Variants in SS18L1 observed in about 807,000 individuals in gnomAD.
SS18L1 encodes calcium-responsive transactivator.
Under a neutral mutation model 70.3 loss-of-function variants are expected in SS18L1, and 32 were observed. The ratio of observed to expected loss-of-function variants is 0.46; its 90% CI spans 0.34 to 0.61. The LOEUF is 0.61. SS18L1 is among the 20% of genes least tolerant of loss of function. The probability of loss-of-function intolerance (pLI) is 0.01; values close to 1 mark genes in which losing one functional copy is unlikely to be tolerated. For missense variants in SS18L1, 430 were observed against 542.1 expected, an observed-to-expected ratio of 0.79 and a Z score of 2.05; for synonymous variants, 237 against 229.7, an observed-to-expected ratio of 1.03 and a Z score of -0.29.
intron 10 of SS18L1, among the ~76,000 whole-genome samples, chr20:62,176,129 C>T (rs570554019): frequency 2.0e-5 from 3 of 152,366 alleles, no homozygotes; most frequent in South Asian, 2.1e-4. Flanking sequence ...TTCATACAGT[C>T]CTGAAAATAA....
intron 7 of SS18L1, 123 bp downstream of exon 7, chr20:62,164,369 C>A: frequency 1.9e-6 from 2 of 1,070,970 alleles, no homozygotes; most frequent in South Asian, 1.7e-5. Flanking sequence ...CAGCTCAGGC[C>A]TGGGCTACAG....
chr20:62,178,141 CT>C (rs61157167), intron 10 of SS18L1, among the ~76,000 whole-genome samples: 8,217 of 97,116 alleles, frequency 0.085, 460 homozygotes, highest in African/African-American at 0.27. Context: ...GTGGCTTATT[CT>C]TTTTTTTTTT....
intron 8 of SS18L1, 79 bp from the exon 9 acceptor site, chr20:62,172,603 C>A: frequency 3.8e-6 from 6 of 1,599,398 alleles, no homozygotes. Context: ...CCAAAGTTAC[C>A]GTGTCGTGAG....
intron 10 of SS18L1, among the ~76,000 whole-genome samples, chr20:62,176,634 G>A (rs1309218915): frequency 1.3e-5 from 2 of 152,144 alleles, no homozygotes; most frequent in Admixed American, 6.5e-5. Flanking sequence ...GGCCAACATG[G>A]TGAAACCCCA....
At position 62,174,044 on chromosome 20, in the gene SS18L1, A is replaced by G. The variant is rs6142968; in HGVS notation, c.1037-473A>G. Among the ~76,000 whole-genome samples the G allele has an allele frequency of 0.073, 11,140 of 151,624 alleles. 500 individuals carry two copies. The highest frequency in any genetic ancestry group is 0.2 in the South Asian group (947 of 4,796). Reference sequence around the variant, plus strand: ...AAAAAAAAAAAAAAAATTGGCCTCTATCAGTTCTTGCCGGAGCCTTTGACT... The same window carrying G: ...AAAAAAAAAAAAAAAATTGGCCTCTGTCAGTTCTTGCCGGAGCCTTTGACT... On this transcript the variant is annotated intron_variant, in intron 9 of 10. Transcript: ENST00000331758. This position sits in a 1 kb window ranked among gnomAD's most constrained non-coding sequence, Gnocchi z 4.1.
intron 1 of SS18L1, among the ~76,000 whole-genome samples, chr20:62,149,437 G>A (rs1366743748): frequency 6.6e-6 from 1 of 152,252 alleles, no homozygotes; most frequent in Non-Finnish European, 1.5e-5. Context: ...GCACAATGGG[G>A]ACGGAAATGG....
rs192060075 is a variant in SS18L1 at position 62,174,680 on chromosome 20, G to A, written c.1164+36G>A. The A allele has an allele frequency of 2.6e-5, 42 of 1,613,010 alleles. No homozygotes were observed. Among genetic ancestry groups the A allele is most frequent in the African/African-American group, 1.5e-4 (11 of 75,038 alleles). On this transcript the variant is annotated intron_variant, in intron 10 of 10. Transcript: ENST00000331758. This position sits in a 1 kb window ranked among gnomAD's most constrained non-coding sequence, Gnocchi z 4.1. ...TGGATGTTTCCAGATGTGCCCATCC[G>A]CCGCGCCTGTCGAGACATAATGAAG... is the stretch of plus-strand genomic sequence containing the variant.
Position 62,182,463 on chromosome 20 carries a change from A to C in SS18L1, c.*3255A>C, listed in dbSNP as rs2057729637. 2 of 189,338 alleles carry C rather than the reference A, an allele frequency of 1.1e-5. No homozygotes were observed. The highest frequency in any genetic ancestry group is 2.2e-5 in the Non-Finnish European group (2 of 89,912). 11.7% of individuals were successfully genotyped at this position (189,338 alleles called of 1,614,324 possible). A position where few individuals can be genotyped will look rare whatever the true frequency, so the allele number is the denominator to read the frequency against. The stretch of plus-strand genomic sequence containing the variant: ...TTTATGCTTTTGGTGTAATCTCTTA[A>C]TAAACTGGTTCTTCAAAAATCATCC... On this transcript the variant is annotated 3_prime_UTR_variant, in exon 11 of 11. Transcript: ENST00000331758.
rs1246589393 is a variant in SS18L1 at position 62,174,781 on chromosome 20, C to CT, written c.1164+138dup. On this transcript the variant is annotated intron_variant, in intron 10 of 10. Transcript: ENST00000331758. This position sits in a 1 kb window ranked among gnomAD's most constrained non-coding sequence, Gnocchi z 4.1. ...GGGTTCCTTCCAGAACGTTAAGTCT[C>CT]TGAGCCTGTAAGGTTTTGCAGAATT... 6.4e-7 allele frequency: 1 copy of CT among 1,566,838 alleles called. No homozygotes were observed. Among genetic ancestry groups the CT allele is most frequent in the South Asian group, 1.2e-5 (1 of 86,752 alleles).
chr20:62,162,284 T>G (rs1159141404), intron 4 of SS18L1, among the ~76,000 whole-genome samples: 1 of 151,726 alleles, frequency 6.6e-6, no homozygotes, highest in East Asian at 1.9e-4. Flanking sequence ...TTTGCTAGCA[T>G]GTACGCTGCT....
chr20:62,158,746 G>T lies in SS18L1; in HGVS notation c.144G>T (p.Thr48=). ...YQSKGKTAEC[T]QYQQILHRNL... is the part of the protein sequence containing the mutation. ...GCAAGGGCAAGACGGCCGAGTGCAC[G>T]CAGTGAGTGCCCGCCATACACCGGA... Residue 48 remains threonine, a splice_region_variant and synonymous_variant, in exon 2 of 11, where the codon ACG becomes ACT. Coordinates refer to ENST00000331758, the MANE Select transcript of SS18L1 (RefSeq NM_198935.3). The surrounding 1 kb of genome is among the most constrained non-coding windows in gnomAD (Gnocchi z 4.5). 3.1e-6 allele frequency: 5 copies of T among 1,612,958 alleles called. No individual in the cohort carries two copies. The South Asian group carries it at 4.4e-5, about 14-fold the overall frequency.
intron 4 of SS18L1, among the ~76,000 whole-genome samples, chr20:62,162,273 C>T (rs1223004320): frequency 6.6e-6 from 1 of 152,052 alleles, no homozygotes; most frequent in African/African-American, 2.4e-5. Flanking sequence ...TCATCCTGTG[C>T]TTTGCTAGCA....
At chr20:62,178,752 C>T (rs1174677705) in intron 10 of SS18L1, among the ~76,000 whole-genome samples, 1 of 152,176 alleles carries the variant, frequency 6.6e-6, no homozygotes, top group Non-Finnish European at 1.5e-5. Flanking sequence ...GGCCATGTTG[C>T]CCAGCCTGGG....
At chr20:62,160,660 G>A (rs1440513885) in intron 3 of SS18L1, among the ~76,000 whole-genome samples, 3 of 152,160 alleles carry the variant, frequency 2.0e-5, no homozygotes, top group Non-Finnish European at 4.4e-5. Context: ...ACGGGGTTCC[G>A]GGACAGACAT....
chr20:62,147,183 G>T (rs1206638951), intron 1 of SS18L1, among the ~76,000 whole-genome samples: 2 of 152,180 alleles, frequency 1.3e-5, no homozygotes, highest in Admixed American at 6.5e-5. Context: ...GGTATTGGGG[G>T]ACCTAAAGTG....
At position 62,181,581 on chromosome 20, in the gene SS18L1, AT is replaced by A. The variant is rs2057710436; in HGVS notation, c.*2374del. 9.4e-6 allele frequency: 2 copies of A among 211,926 alleles called. No homozygotes were observed. Among genetic ancestry groups the A allele is most frequent in the Non-Finnish European group, 1.9e-5 (2 of 104,528 alleles). 13.1% of individuals were successfully genotyped at this position (211,926 alleles called of 1,614,324 possible). A position where few individuals can be genotyped will look rare whatever the true frequency, so the allele number is the denominator to read the frequency against. On this transcript the variant is annotated 3_prime_UTR_variant, in exon 11 of 11. Transcript: ENST00000331758. The stretch of plus-strand genomic sequence containing the variant: ...ATGTCTTACATTAAGAATATCTTGA[AT>A]GTTGTGTATATATTTTAAAAAGCAC...
chr20:62,165,478 T>G lies in SS18L1; in HGVS notation c.880T>G (p.Ser294Ala). ...CTACACGGAGCAGAGCTACGACCGG[T>G]CCTTCGAGGAGTCCACGCAGCACTA... ...SSYTEQSYDR[S>A]FEESTQHYYE... The change falls in exon 8 of 11, where the codon TCC becomes GCC. Residue 294 changes from serine to alanine, a missense_variant. Ser to Ala is a moderately conservative substitution (Grantham distance 99). Coordinates refer to ENST00000331758, the MANE Select transcript of SS18L1 (RefSeq NM_198935.3). 1 of 1,613,082 alleles carries G rather than the reference T, an allele frequency of 6.2e-7. No homozygotes were observed. Among genetic ancestry groups the G allele is most frequent in the African/African-American group, 1.3e-5 (1 of 75,034 alleles).
At position 62,162,920 on chromosome 20, in the gene SS18L1, A is replaced by C. The variant is rs747735102; in HGVS notation, c.545A>C (p.Gln182Pro). Residue 182 changes from glutamine to proline, a missense_variant, in exon 5 of 11, where the codon CAG becomes CCG. Physicochemically the swap from Gln to Pro is moderately conservative, Grantham distance 76. Coordinates refer to ENST00000331758, the MANE Select transcript of SS18L1 (RefSeq NM_198935.3). ...GTGTCTCGGACCAACATCAACATGC[A>C]GTCCAACCCAGGTACCTACTCTGCC... is the stretch of plus-strand genomic sequence containing the variant. ...NYVSRTNINMQSNPVSMMQQQ... is the reference protein window; with the variant it reads ...NYVSRTNINMPSNPVSMMQQQ... The C allele has an allele frequency of 6.2e-7, 1 of 1,612,316 alleles. No individual in the cohort carries two copies. Among genetic ancestry groups the C allele is most frequent in the Non-Finnish European group, 8.5e-7 (1 of 1,179,840 alleles).
intron 10 of SS18L1, chr20:62,175,392 G>T (rs2057603791): frequency 1.0e-6 from 1 of 985,308 alleles, no homozygotes; most frequent in Non-Finnish European, 1.2e-6. Flanking sequence ...GACAGGGTCT[G>T]TGTGGTGGGA....
Sources: gnomAD v4.1 joint callset for allele counts (sites outside exome capture counted in the v4.1 genomes callset) on GRCh38, gnomAD v4.1.1 for gene constraint, Gnocchi (gnomAD v3.1) non-coding constraint, MANE v1.5 for transcripts, NCBI Gene and HGNC (gene_info 2026-07-23, HGNC 2026-07-21) for gene names.